The following DNAH9 variants were observed in gnomAD, a reference collection of about 807,000 sequenced individuals.
The protein encoded by DNAH9 is dynein axonemal heavy chain 9.
In DNAH9, 345 loss-of-function variants were observed where a neutral mutation model predicts 471.6. The ratio of observed to expected loss-of-function variants is 0.73; its 90% CI spans 0.67 to 0.80. The LOEUF is 0.80. Ranked by LOEUF, DNAH9 falls within the 30% of genes least tolerant of loss-of-function variation. The pLI, the probability that DNAH9 is intolerant of heterozygous loss-of-function variation, is 0.00. For synonymous variants in DNAH9, 2,093 were observed against 2,123.6 expected, an observed-to-expected ratio of 0.99 and a Z score of 0.40; for missense variants, 5,407 against 5,609.2, an observed-to-expected ratio of 0.96 and a Z score of 1.15.
chr17:11,606,201 C>T (rs1446905887), intron 1 of DNAH9, among the ~76,000 whole-genome samples: 1 of 152,174 alleles, frequency 6.6e-6, no homozygotes, highest in Non-Finnish European at 1.5e-5. Flanking sequence ...CAAAGACCAT[C>T]CTCTAGAATC....
At chr17:11,713,468 G>A (rs2074908427) in intron 26 of DNAH9, among the ~76,000 whole-genome samples, 1 of 152,000 alleles carries the variant, frequency 6.6e-6, no homozygotes, top group Non-Finnish European at 1.5e-5. Context: ...GCTCTTTGGG[G>A]AATCATCATA....
chr17:11,598,485 G>A lies in DNAH9; in HGVS notation c.-14G>A. 2 of 1,362,254 alleles carry A rather than the reference G, an allele frequency of 1.5e-6. No homozygotes were observed. Among genetic ancestry groups the A allele is most frequent in the Non-Finnish European group, 1.9e-6 (2 of 1,065,630 alleles). 84.4% of individuals were successfully genotyped at this position (1,362,254 alleles called of 1,614,324 possible). Reference sequence around the variant, plus strand: ...CGTCGCTAGGGAAACCGATGCAGCTGGAGGCCGCGCGCGATGCGGCTCGCG... The same window carrying A: ...CGTCGCTAGGGAAACCGATGCAGCTAGAGGCCGCGCGCGATGCGGCTCGCG... On this transcript the variant is annotated 5_prime_UTR_variant, in exon 1 of 69. Transcript: ENST00000262442.
Position 11,647,141 on chromosome 17 carries a change from A to T in DNAH9, c.2040A>T (p.Gln680His). 1 of 1,613,984 alleles carries T rather than the reference A, an allele frequency of 6.2e-7. No homozygotes were observed. The highest frequency in any genetic ancestry group is 8.5e-7 in the Non-Finnish European group (1 of 1,179,892). ...AGAAGTCACAGTACAATCTTTCCCA[A>T]CCACTTCTAAAACGTGACCCAGAGA... The part of the protein sequence containing the change: ...VSEKSQYNLS[Q>H]PLLKRDPETK... The change falls in exon 12 of 69, where the codon CAA becomes CAT. Residue 680 changes from glutamine (Q) to histidine (H), a missense_variant. Physicochemically the swap from Gln to His is conservative, Grantham distance 24 (BLOSUM62 0). Transcript: ENST00000262442.
chr17:11,751,832 C>T (rs1327135320), intron 32 of DNAH9, among the ~76,000 whole-genome samples: 2 of 151,780 alleles, frequency 1.3e-5, no homozygotes, highest in Non-Finnish European at 2.9e-5. Context: ...CAACTTTATA[C>T]CTAGAAAATG....
intron 57 of DNAH9, among the ~76,000 whole-genome samples, chr17:11,888,013 C>T (rs139584224): frequency 6.0e-4 from 89 of 149,108 alleles, no homozygotes; most frequent in African/African-American, 2.0e-3. Context: ...GAGGGAGTCT[C>T]GCTTTGTTGC....
At chr17:11,615,051 G>A (rs978000186) in intron 4 of DNAH9, among the ~76,000 whole-genome samples, 1 of 152,150 alleles carries the variant, frequency 6.6e-6, no homozygotes, top group Non-Finnish European at 1.5e-5. Context: ...GGCTCGTGAA[G>A]GGCTGCTATA....
chr17:11,840,007 G>A (rs1446124279), intron 49 of DNAH9, among the ~76,000 whole-genome samples: 1 of 152,078 alleles, frequency 6.6e-6, no homozygotes. Context: ...GTATACAAAG[G>A]CTTCTCAAAA....
chr17:11,952,053 G>A (rs1213624191), intron 67 of DNAH9, among the ~76,000 whole-genome samples: 35 of 151,924 alleles, frequency 2.3e-4, no homozygotes, highest in Non-Finnish European at 4.4e-5. Flanking sequence ...GGAAGCTCTG[G>A]TGGATGATGG....
chr17:11,965,374 A>G (rs1976614750), intron 68 of DNAH9, among the ~76,000 whole-genome samples: 1 of 152,240 alleles, frequency 6.6e-6, no homozygotes, highest in Admixed American at 6.5e-5. Flanking sequence ...AATCTGTCCA[A>G]TTATTTGGTG....
At chr17:11,828,728 C>T (rs1970588063) in intron 48 of DNAH9, among the ~76,000 whole-genome samples, 1 of 152,114 alleles carries the variant, frequency 6.6e-6, no homozygotes, top group African/African-American at 2.4e-5. Flanking sequence ...TACATGTACC[C>T]CCACCTTGTC....
At chr17:11,938,121 C>T (rs555624600) in intron 66 of DNAH9, among the ~76,000 whole-genome samples, 2 of 152,184 alleles carry the variant, frequency 1.3e-5, no homozygotes, top group South Asian at 2.1e-4. Context: ...GTGTGGGTTT[C>T]AGGACAACCC....
At position 11,818,004 on chromosome 17, in the gene DNAH9, G is replaced by A. The variant is rs552822337; in HGVS notation, c.8708-3916G>A. On this transcript the variant is annotated intron_variant, in intron 45 of 68. Transcript: ENST00000262442. ...GTAATTTGCTGGAAAGTTGGCATGA[G>A]TTTCCTCCAGATACAGTAGTTCAAG... Among the ~76,000 whole-genome samples the A allele has an allele frequency of 3.9e-5, 6 of 152,302 alleles. No individual in the cohort carries two copies. The East Asian group carries it at 7.7e-4, about 20-fold the overall frequency.
chr17:11,796,384 A>C (rs1422547005), intron 42 of DNAH9, among the ~76,000 whole-genome samples: 17 of 152,248 alleles, frequency 1.1e-4, no homozygotes, highest in Non-Finnish European at 2.4e-4. Flanking sequence ...AGAATAGTTT[A>C]AAAGTTTTCT....
Position 11,610,593 on chromosome 17 carries a change from A to C in DNAH9, c.773+39A>C, listed in dbSNP as rs369206315. Reference sequence around the variant, plus strand: ...CACATGCTGGAAGTCTGGGGTGAAGATGTCTTACAGAGACTAAAGCTAGAG... The same window carrying C: ...CACATGCTGGAAGTCTGGGGTGAAGCTGTCTTACAGAGACTAAAGCTAGAG... On this transcript the variant is annotated intron_variant, in intron 3 of 68. Transcript: ENST00000262442. The C allele has an allele frequency of 1.9e-5, 31 of 1,602,144 alleles. 1 individual carries two copies. In the South Asian group the frequency reaches 3.3e-4, roughly 17 times the overall value.
chr17:11,928,726 G>C (rs1458045908), intron 62 of DNAH9, among the ~76,000 whole-genome samples: 1 of 152,222 alleles, frequency 6.6e-6, no homozygotes. Context: ...GATAAGTTTG[G>C]CAACAATTAA....
chr17:11,870,197 G>C (rs1188114242), intron 51 of DNAH9, among the ~76,000 whole-genome samples: 1 of 152,190 alleles, frequency 6.6e-6, no homozygotes, highest in Non-Finnish European at 1.5e-5. Context: ...GTACTCTATA[G>C]GTCAAAGCAG....
chr17:11,764,832 T>G (rs1429075698), intron 36 of DNAH9, among the ~76,000 whole-genome samples: 1 of 152,178 alleles, frequency 6.6e-6, no homozygotes, highest in Admixed American at 6.5e-5. Flanking sequence ...GATATGTAGG[T>G]TTATGCATAG....
intron 14 of DNAH9, among the ~76,000 whole-genome samples, chr17:11,655,127 T>C (rs2073611532): frequency 6.6e-6 from 1 of 152,132 alleles, no homozygotes. Context: ...TGTAGTCTTT[T>C]ACCCTCCCCC....
chr17:11,949,905 A>G (rs962795791), intron 67 of DNAH9, among the ~76,000 whole-genome samples: 8 of 152,188 alleles, frequency 5.3e-5, no homozygotes, highest in African/African-American at 1.9e-4. Flanking sequence ...TTCAATTAGT[A>G]TGTGTAAAAT....
Sources: allele counts gnomAD v4.1 joint callset (sites outside exome capture counted in the v4.1 genomes callset), GRCh38; gene constraint gnomAD v4.1.1; transcripts MANE v1.5; gene names NCBI Gene and HGNC (gene_info 2026-07-23, HGNC 2026-07-21).